The following SETBP1 variants were observed in gnomAD, a reference collection of about 807,000 sequenced individuals.
SETBP1 encodes the protein SET binding protein 1, also known as SET-binding protein.
In SETBP1, 9 loss-of-function variants were observed where a neutral mutation model predicts 101.0. The observed-to-expected ratio is 0.09, with a 90% CI of 0.05 to 0.16. The LOEUF is 0.16. Among genes scored for constraint, SETBP1 ranks in the 10% least tolerant of loss-of-function variants. The pLI, the probability that SETBP1 is intolerant of heterozygous loss-of-function variation, is 1.00. For missense variants in SETBP1, 1,858 were observed against 2,033.8 expected, an observed-to-expected ratio of 0.91 and a Z score of 1.66; for synonymous variants, 818 against 788.5, an observed-to-expected ratio of 1.04 and a Z score of -0.63.
At chr18:44,859,922 G>A (rs1432311851) in intron 2 of SETBP1, among the ~76,000 whole-genome samples, 3 of 152,170 alleles carry the variant, frequency 2.0e-5, no homozygotes, top group South Asian at 2.1e-4. Context: ...AGATTTGGCC[G>A]AGGGACCCAG....
At chr18:44,800,348 G>A (rs1486909761) in intron 2 of SETBP1, among the ~76,000 whole-genome samples, 3 of 152,054 alleles carry the variant, frequency 2.0e-5, no homozygotes, top group Non-Finnish European at 2.9e-5. Flanking sequence ...TTTAGAAGCA[G>A]CAATGAAAAA....
intron 4 of SETBP1, among the ~76,000 whole-genome samples, chr18:44,968,590 T>C (rs2071773397): frequency 6.6e-6 from 1 of 152,200 alleles, no homozygotes; most frequent in East Asian, 1.9e-4. Flanking sequence ...AGGAATGGCA[T>C]AGTGATCACT....
At chr18:44,818,265 T>A (rs1211305837) in intron 2 of SETBP1, among the ~76,000 whole-genome samples, 1 of 152,230 alleles carries the variant, frequency 6.6e-6, no homozygotes, top group Non-Finnish European at 1.5e-5. Context: ...GAAAGGAATT[T>A]ATTCATGTCG....
chr18:44,944,880 C>G (rs796155392), intron 3 of SETBP1, among the ~76,000 whole-genome samples: 1 of 152,028 alleles, frequency 6.6e-6, no homozygotes, highest in African/African-American at 2.4e-5. Flanking sequence ...AAGGCTAGGT[C>G]ACTCATTTGC....
At chr18:44,883,613 C>T (rs186973983) in intron 3 of SETBP1, among the ~76,000 whole-genome samples, 8 of 152,286 alleles carry the variant, frequency 5.3e-5, no homozygotes, top group African/African-American at 1.7e-4. Flanking sequence ...AATTAGGGTC[C>T]TTCACTAAAC....
chr18:44,951,220 G>A lies in SETBP1; in HGVS notation c.1880G>A (p.Arg627His), dbSNP rs138819848. The A allele has an allele frequency of 2.2e-4, 361 of 1,614,118 alleles. 2 individuals carry two copies. The African/African-American group carries it at 3.9e-3, about 17-fold the overall frequency. The change falls in exon 4 of 6, where the codon CGC (arginine) becomes CAC (histidine). Residue 627 changes from arginine to histidine, a missense_variant. Transcript: ENST00000649279. This position sits in a 1 kb window ranked among gnomAD's most constrained non-coding sequence, Gnocchi z 7.8. ...GGCACTAAGAAAAGAAAGCGACGACGCAATTTAGCGAAGTTGGCCCAGCTA... is the reference window on the plus strand; with the variant it reads ...GGCACTAAGAAAAGAAAGCGACGACACAATTTAGCGAAGTTGGCCCAGCTA... ...FPGTKKRKRR[R>H]NLAKLAQLVP... is the part of the protein sequence containing the mutation.
intron 2 of SETBP1, among the ~76,000 whole-genome samples, chr18:44,754,887 C>T (rs2070459335): frequency 6.6e-6 from 1 of 152,198 alleles, no homozygotes; most frequent in South Asian, 2.1e-4. Flanking sequence ...AAAGCCCCAA[C>T]ATAGTGGGTC....
At chr18:44,703,615 C>T (rs1351414146) in intron 2 of SETBP1, among the ~76,000 whole-genome samples, 1 of 151,878 alleles carries the variant, frequency 6.6e-6, no homozygotes, top group Non-Finnish European at 1.5e-5. Flanking sequence ...CCAGGAATTG[C>T]CCCAGTTCCT....
chr18:44,953,032 T>A lies in SETBP1; in HGVS notation c.3692T>A (p.Leu1231Gln). 6.2e-7 allele frequency: 1 copy of A among 1,614,120 alleles called. No homozygotes were observed. Among genetic ancestry groups the A allele is most frequent in the South Asian group, 1.1e-5 (1 of 91,070 alleles). ...ASKNNFEVDT[L>Q]STLSLSDAQH... The stretch of plus-strand genomic sequence containing the variant: ...AAGAACAACTTTGAGGTGGACACCC[T>A]GTCTACACTGTCACTTTCCGACGCC... Residue 1231 changes from leucine to glutamine, a missense_variant, in exon 4 of 6, where the codon CTG (leucine) becomes CAG (glutamine). Physicochemically the swap from Leu to Gln is moderately radical, Grantham distance 113 (BLOSUM62 -2). This residue lies in a region of SETBP1 where 417 missense variants were observed against 389.1 expected (regional missense o/e 1.07). Transcript: ENST00000649279.
At chr18:44,824,123 G>A (rs1259630245) in intron 2 of SETBP1, among the ~76,000 whole-genome samples, 3 of 152,198 alleles carry the variant, frequency 2.0e-5, no homozygotes, top group African/African-American at 4.8e-5. Flanking sequence ...CTGTGTGTGT[G>A]TGCATGCATA....
chr18:44,723,949 G>T (rs1266875950), intron 2 of SETBP1, among the ~76,000 whole-genome samples: 2 of 152,188 alleles, frequency 1.3e-5, no homozygotes, highest in African/African-American at 4.8e-5. Context: ...CCTGGGACCT[G>T]AGGGTCTCGT....
chr18:44,972,826 G>A (rs986492789), intron 4 of SETBP1, among the ~76,000 whole-genome samples: 18 of 152,098 alleles, frequency 1.2e-4, no homozygotes, highest in African/African-American at 4.3e-4. Context: ...CTGCAGACAG[G>A]GACAATTTGA....
rs2071383183 is a variant in SETBP1 at position 44,952,508 on chromosome 18, A to G, written c.3168A>G (p.Thr1056=). Residue 1056 remains threonine, a synonymous_variant, in exon 4 of 6, where the codon ACA becomes ACG. Transcript: ENST00000649279. The stretch of plus-strand genomic sequence containing the variant: ...ATGCACCCTATGGAATGCCTTACAC[A>G]TCAATGCCTATGATGAACCTTGGTT... ...SYYAPYGMPY[T]SMPMMNLGYY... The G allele has an allele frequency of 6.2e-7, 1 of 1,614,002 alleles. No individual in the cohort carries two copies. The highest frequency in any genetic ancestry group is 1.1e-5 in the South Asian group (1 of 91,086).
chr18:45,008,003 T>G (rs1489303478), intron 4 of SETBP1, among the ~76,000 whole-genome samples: 1 of 152,148 alleles, frequency 6.6e-6, no homozygotes, highest in East Asian at 1.9e-4. Context: ...GCTCCTGAGA[T>G]ACCAAAGCTG....
At position 44,864,724 on chromosome 18, in the gene SETBP1, G is replaced by A. The variant is rs7238777; in HGVS notation, c.487-4506G>A. ...CCCTCTCGACCCTCTAGCTGGGAGC[G>A]GTGCGGACATTTAGCCATCCTGGGA... On this transcript the variant is annotated intron_variant, in intron 2 of 5. Coordinates refer to ENST00000649279, the MANE Select transcript of SETBP1 (RefSeq NM_015559.3). 6.2e-3 allele frequency among the ~76,000 whole-genome samples: 943 copies of A among 152,084 alleles called. 7 individuals carry two copies. The highest frequency in any genetic ancestry group is 0.021 in the African/African-American group (877 of 41,456).
intron 2 of SETBP1, among the ~76,000 whole-genome samples, chr18:44,725,720 C>G (rs1250423719): frequency 6.6e-6 from 1 of 152,080 alleles, no homozygotes; most frequent in Non-Finnish European, 1.5e-5. Context: ...ACCTCCTCCC[C>G]CTCGGCCCCC....
chr18:44,947,913 C>T (rs1474361392), intron 3 of SETBP1, among the ~76,000 whole-genome samples: 5 of 152,214 alleles, frequency 3.3e-5, no homozygotes, highest in African/African-American at 7.2e-5. Context: ...TCCAAGAGCT[C>T]CTCTAGACCT....
intron 3 of SETBP1, among the ~76,000 whole-genome samples, chr18:44,885,722 G>C (rs1256900924): frequency 6.6e-6 from 1 of 151,656 alleles, no homozygotes; most frequent in Admixed American, 6.6e-5. Flanking sequence ...CTGACAACCT[G>C]AGTGCAGGTG....
chr18:44,745,564 A>G (rs1247365427), intron 2 of SETBP1, among the ~76,000 whole-genome samples: 1 of 152,264 alleles, frequency 6.6e-6, no homozygotes, highest in Non-Finnish European at 1.5e-5. Context: ...ACAAAAATAG[A>G]AAAGAGAGTG....
Sources: gnomAD v4.1 joint callset for allele counts (sites outside exome capture counted in the v4.1 genomes callset) on GRCh38, gnomAD v4.1.1 for gene constraint, gnomAD v4.1.1 regional missense constraint, Gnocchi (gnomAD v3.1) non-coding constraint, MANE v1.5 for transcripts, NCBI Gene and HGNC (gene_info 2026-07-23, HGNC 2026-07-21) for gene names.